FBXL13: variants seen among roughly 807,000 people sequenced by gnomAD.
The protein encoded by FBXL13 is F-box and leucine-rich repeat protein 13.
In FBXL13, 67 loss-of-function variants were observed where a neutral mutation model predicts 83.6. That is an observed-to-expected ratio of 0.80 (90% CI 0.66 to 0.98). The LOEUF is 0.98. Ranked by LOEUF, FBXL13 falls within the 50% of genes least tolerant of loss-of-function variation. FBXL13 has a pLI of 0.00. For synonymous variants in FBXL13, 272 were observed against 299.5 expected (o/e 0.91, Z 0.95); for missense variants, 822 against 866.5 (o/e 0.95, Z 0.64).
chr7:102,998,012 T>C (rs79692895), intron 6 of FBXL13, among the ~76,000 whole-genome samples: 1,675 of 152,274 alleles, frequency 0.011, 35 homozygotes, highest in African/African-American at 0.039. Flanking sequence ...ATCACTGTAC[T>C]AATTTACATT....
At chr7:103,055,233 C>A in intron 2 of FBXL13, 55 bp from the exon 3 acceptor site, 1 of 940,008 alleles carries the variant, frequency 1.1e-6, no homozygotes. Context: ...TAGTTAGTTC[C>A]GTAATTAAAT....
At chr7:102,893,956 A>AAGAG (rs1304494774) in intron 11 of FBXL13, among the ~76,000 whole-genome samples, 1,994 of 94,036 alleles carry the variant, frequency 0.021, 52 homozygotes, top group African/African-American at 0.1. Flanking sequence ...GAAAGAAAGA[A>AAGAG]AGAAAGAGAG....
intron 6 of FBXL13, among the ~76,000 whole-genome samples, chr7:102,995,347 G>T (rs1044850106): frequency 6.6e-6 from 1 of 151,840 alleles, no homozygotes; most frequent in African/African-American, 2.4e-5. Flanking sequence ...TGGGCGTGGT[G>T]GTGGGTGCCT....
intron 18 of FBXL13, among the ~76,000 whole-genome samples, chr7:102,823,068 C>G (rs549485729): frequency 1.4e-3 from 219 of 152,106 alleles, no homozygotes; most frequent in Middle Eastern, 6.8e-3. Flanking sequence ...GACCCTGTGC[C>G]CTGCCCACCC....
At chr7:102,925,142 C>G (rs1007159251) in intron 10 of FBXL13, among the ~76,000 whole-genome samples, 16 of 152,190 alleles carry the variant, frequency 1.1e-4, no homozygotes, top group Admixed American at 7.9e-4. Flanking sequence ...GTGGCTCATG[C>G]CAGCACTTTG....
At chr7:103,027,538 G>C (rs779715485) in exon 5 of FBXL13, 2 of 1,608,736 alleles carry the variant, frequency 1.2e-6, no homozygotes, top group South Asian at 2.2e-5. Flanking sequence ...TAGATGATCT[G>C]TTGTATCCGC....
rs1253720847 is a variant in FBXL13, at chr7:103,060,125, A to T, written c.-104-4378T>A. The stretch of plus-strand genomic sequence containing the variant: ...AACCCAGGCTGGAGTGCAGTAGCAC[A>T]ATCAACCCAGTGTAACCTCAAGCTC... On this transcript the variant is annotated intron_variant, in intron 1 of 19. Transcript: ENST00000313221. Among the ~76,000 whole-genome samples, 3 of 145,118 alleles carry T rather than the reference A, an allele frequency of 2.1e-5. No homozygotes were observed. The East Asian group carries it at 6.2e-4, about 30-fold the overall frequency.
intron 11 of FBXL13, among the ~76,000 whole-genome samples, chr7:102,903,991 G>C (rs1813369868): frequency 7.7e-6 from 1 of 130,286 alleles, no homozygotes. Flanking sequence ...TTTGGCATCA[G>C]GGTAATACTG....
At chr7:102,913,011 G>GTGA in intron 11 of FBXL13, 75 bp downstream of exon 12, 1 of 1,596,296 alleles carries the variant, frequency 6.3e-7, no homozygotes, top group Non-Finnish European at 8.6e-7. Flanking sequence ...TTAGTATAAC[G>GTGA]TGAGGGCTGA....
intron 1 of FBXL13, among the ~76,000 whole-genome samples, chr7:103,065,235 C>T (rs1349423069): frequency 6.6e-6 from 1 of 152,086 alleles, no homozygotes; most frequent in Non-Finnish European, 1.5e-5. Context: ...CATTTAGAAA[C>T]AGTAGTATAG....
intron 6 of FBXL13, among the ~76,000 whole-genome samples, chr7:103,004,055 A>G (rs1239677200): frequency 6.6e-6 from 1 of 152,122 alleles, no homozygotes; most frequent in Non-Finnish European, 1.5e-5. Flanking sequence ...ATCAATCACT[A>G]GCTCCTTGCT....
At chr7:102,983,269 C>A (rs566412215) in intron 6 of FBXL13, among the ~76,000 whole-genome samples, 1 of 152,060 alleles carries the variant, frequency 6.6e-6, no homozygotes, top group Non-Finnish European at 1.5e-5. Flanking sequence ...ACTGGGAGTG[C>A]GGAGGCCACT....
chr7:102,957,994 C>T lies in FBXL13; in HGVS notation c.724+5539G>A, dbSNP rs138917915. Among the ~76,000 whole-genome samples, 570 of 152,022 alleles carry T rather than the reference C, an allele frequency of 3.7e-3. 7 individuals carry two copies. Among genetic ancestry groups the T allele is most frequent in the African/African-American group, 0.014 (563 of 41,474 alleles). On this transcript the variant is annotated intron_variant, in intron 8 of 19. Coordinates refer to ENST00000313221, the Ensembl canonical transcript of FBXL13. ...ACAGTGTGGTGATTCCTCAAGGATC[C>T]AGAACTAGAATTACCATTTGACCCA...
chr7:103,031,077 G>A (rs1346871313), intron 2 of FBXL13: 2 of 152,118 alleles, frequency 1.3e-5, no homozygotes, highest in African/African-American at 4.8e-5. Context: ...AAGTTTAAGA[G>A]AGCATCTCCA....
intron 19 of FBXL13, among the ~76,000 whole-genome samples, chr7:102,815,398 C>T (rs745671924): frequency 2.6e-5 from 4 of 152,140 alleles, no homozygotes; most frequent in Admixed American, 2.0e-4. Flanking sequence ...ATAGCTCAAA[C>T]GAGAGATTTC....
chr7:102,816,903 C>A (rs917916504), intron 19 of FBXL13, among the ~76,000 whole-genome samples: 1 of 152,192 alleles, frequency 6.6e-6, no homozygotes, highest in Non-Finnish European at 1.5e-5. Flanking sequence ...ATAATGGCCT[C>A]CAGCCGCATC....
intron 17 of FBXL13, among the ~76,000 whole-genome samples, chr7:102,851,024 G>A (rs142715176): frequency 1.1e-4 from 16 of 152,264 alleles, no homozygotes; most frequent in Admixed American, 6.5e-4. Context: ...GCAGTTCTCC[G>A]TTTCTACCTT....
At position 102,878,317 on chromosome 7, in the gene FBXL13, CTG is replaced by C; in HGVS notation, c.1508+12_1508+13del. 6.3e-7 allele frequency: 1 copy of C among 1,583,324 alleles called. No individual in the cohort carries two copies. The highest frequency in any genetic ancestry group is 8.6e-7 in the Non-Finnish European group (1 of 1,167,992). On this transcript the variant is annotated intron_variant, in intron 15 of 19. Coordinates refer to ENST00000313221, the Ensembl canonical transcript of FBXL13. ...AATACTAATGATATGATGTAAAAGACTGTTTTATCATACCGCTCAGATAGTTT... is the reference window on the plus strand; with the variant it reads ...AATACTAATGATATGATGTAAAAGACTTTTATCATACCGCTCAGATAGTTT...
intron 6 of FBXL13, among the ~76,000 whole-genome samples, chr7:103,024,857 A>ATATTTTTTTTTT (rs1298384907): frequency 1.6e-5 from 1 of 62,854 alleles, no homozygotes; most frequent in African/African-American, 9.0e-5. Context: ...ATATATATAT[A>ATATTTTTTTTTT]TTTTTTTTTT....
Sources: gnomAD v4.1 joint callset for allele counts (sites outside exome capture counted in the v4.1 genomes callset) on GRCh38, gnomAD v4.1.1 for gene constraint, MANE v1.5 for transcripts, NCBI Gene and HGNC (gene_info 2026-07-23, HGNC 2026-07-21) for gene names.